KCTD2: variants seen among roughly 807,000 people sequenced by gnomAD.
The protein encoded by KCTD2 is potassium channel tetramerization domain containing 2.
A neutral mutation model predicts 27.9 loss-of-function variants in KCTD2; 18 were observed. The observed-to-expected ratio is 0.64, with a 90% confidence interval of 0.45 to 0.96. KCTD2 has a LOEUF of 0.96. Among genes scored for constraint, KCTD2 ranks in the 40% least tolerant of loss-of-function variants. KCTD2 has a pLI of 0.00. For synonymous variants in KCTD2, 175 were observed against 148.4 expected, an observed-to-expected ratio of 1.18 and a Z score of -1.30; for missense variants, 280 against 348.0, an observed-to-expected ratio of 0.80 and a Z score of 1.56.
At chr17:75,052,936 T>C (rs1267912062) in intron 2 of KCTD2, 78 bp from the exon 3 acceptor site, 3 of 1,019,122 alleles carry the variant, frequency 2.9e-6, no homozygotes, top group South Asian at 2.5e-5. Context: ...TTAGCAAGCA[T>C]GTAACCTTCA....
intron 3 of KCTD2, among the ~76,000 whole-genome samples, chr17:75,058,153 G>A (rs576068890): frequency 2.6e-5 from 4 of 151,384 alleles, no homozygotes; most frequent in Non-Finnish European, 4.4e-5. Flanking sequence ...GTGAGACTTC[G>A]TCTCTACTAA....
At position 75,049,030 on chromosome 17, in the gene KCTD2, T is replaced by A. The variant is rs111938818; in HGVS notation, c.340-190T>A. 4.4e-3 allele frequency: 2,216 copies of A among 501,150 alleles called. 42 individuals are homozygous for A. Among genetic ancestry groups the A allele is most frequent in the African/African-American group, 0.039 (2,021 of 52,462 alleles). The allele number at this position is 501,150 out of a possible 1,614,324, so 31.0% of individuals were successfully genotyped here. A position where few individuals can be genotyped will look rare whatever the true frequency, so the allele number is the denominator to read the frequency against. ...AGATGATCTTAATGTACAAGATACATAAAGCTATAGCTTTCTTACCAATAG... is the reference window on the plus strand; with the variant it reads ...AGATGATCTTAATGTACAAGATACAAAAAGCTATAGCTTTCTTACCAATAG... On this transcript the variant is annotated intron_variant, in intron 1 of 5. Coordinates refer to ENST00000322444, the MANE Select transcript of KCTD2 (RefSeq NM_015353.3).
chr17:75,053,060 G>A lies in KCTD2; in HGVS notation c.495G>A (p.Arg165=). The change falls in exon 3 of 6, where the codon CGG becomes CGA. Residue 165 remains arginine, a synonymous_variant. Coordinates refer to ENST00000322444, the MANE Select transcript of KCTD2 (RefSeq NM_015353.3). The part of the protein sequence containing the change: ...AEFYNIASLV[R]LVKERIRDNE... ...TTTACAACATCGCGTCCCTTGTGCGGCTGGTTAAGGAAAGGATACGGGACA... is the reference window on the plus strand; with the variant it reads ...TTTACAACATCGCGTCCCTTGTGCGACTGGTTAAGGAAAGGATACGGGACA... 6.2e-7 allele frequency: 1 copy of A among 1,614,118 alleles called. No homozygotes were observed.
intron 3 of KCTD2, 135 bp downstream of exon 3, chr17:75,053,240 C>T: frequency 1.5e-6 from 1 of 689,374 alleles, no homozygotes; most frequent in Non-Finnish European, 2.6e-6. Context: ...AGGGAATGCA[C>T]ACTCAGCCAA....
upstream of KCTD2, chr17:75,042,790 A>G (rs1390285213): frequency 1.0e-6 from 1 of 967,234 alleles, no homozygotes; most frequent in East Asian, 2.6e-5. Flanking sequence ...AGTCTTCACA[A>G]GAATCACTTG....
chr17:75,048,272 A>G (rs767223618), intron 1 of KCTD2, among the ~76,000 whole-genome samples: 10 of 152,168 alleles, frequency 6.6e-5, no homozygotes, highest in Non-Finnish European at 1.3e-4. Context: ...CTGCTAACCA[A>G]AGGGTTGAGA....
intron 2 of KCTD2, among the ~76,000 whole-genome samples, chr17:75,051,812 C>T (rs1367799608): frequency 6.6e-6 from 1 of 151,830 alleles, no homozygotes; most frequent in Non-Finnish European, 1.5e-5. Context: ...ATGCTTTTAT[C>T]TACAGCTTAT....
intron 4 of KCTD2, among the ~76,000 whole-genome samples, chr17:75,061,608 C>G: frequency 6.6e-6 from 1 of 152,276 alleles, no homozygotes; most frequent in East Asian, 1.9e-4. Flanking sequence ...TGTGATTGCA[C>G]CACTGCACTC....
At chr17:75,049,191 A>G (rs771427575) in intron 1 of KCTD2, 29 bp from the exon 2 acceptor site, 5 of 1,400,042 alleles carry the variant, frequency 3.6e-6, no homozygotes, top group East Asian at 2.3e-5. Flanking sequence ...TCAAAGGTCC[A>G]CAATGATACC....
chr17:75,053,139 T>C (rs1355888591), intron 3 of KCTD2, 34 bp downstream of exon 3: 1 of 1,519,862 alleles, frequency 6.6e-7, no homozygotes, highest in East Asian at 2.3e-5. Context: ...GAGGGTTGTT[T>C]CAAGTGGGCT....
rs71159419 is a variant in KCTD2, at chr17:75,053,858, C to CTTTTTTTTTTTTTTTTTTTTT, written c.540+759_540+779dup. On this transcript the variant is annotated intron_variant, in intron 3 of 5. Coordinates refer to ENST00000322444, the MANE Select transcript of KCTD2 (RefSeq NM_015353.3). ...CTTCAGCAGCTGCTTGTGAACCATG[C>CTTTTTTTTTTTTTTTTTTTTT]TTTTTTTTTTTTTTTTTTTTTTTTT... Among the ~76,000 whole-genome samples, 17 of 59,322 alleles carry CTTTTTTTTTTTTTTTTTTTTT rather than the reference C, an allele frequency of 2.9e-4. 1 individual carries two copies. The highest frequency in any genetic ancestry group is 4.5e-4 in the Non-Finnish European group (16 of 35,766). 38.9% of individuals were successfully genotyped at this position (59,322 alleles called of 152,430 possible).
At chr17:75,042,312 C>G, upstream of KCTD2, 11 of 1,604,124 alleles carry the variant, frequency 6.9e-6, no homozygotes, top group Non-Finnish European at 9.4e-6. Flanking sequence ...TAGGATTGTT[C>G]ATAAGCAGTA....
In KCTD2 at chr17:75,047,464, C is replaced by G; in HGVS notation, c.214C>G (p.Arg72Gly). The G allele has an allele frequency of 1.9e-6, 3 of 1,559,272 alleles. No individual in the cohort carries two copies. The highest frequency in any genetic ancestry group is 2.6e-6 in the Non-Finnish European group (3 of 1,154,330). The change falls in exon 1 of 6, where the codon CGC (arginine) becomes GGC (glycine). Residue 72 changes from arginine (R) to glycine (G), a missense_variant. Arg to Gly is a moderately radical substitution (Grantham distance 125). Coordinates refer to ENST00000322444, the MANE Select transcript of KCTD2 (RefSeq NM_015353.3). ...GCGGGCAGGGGGCGGCGGCGCGGCC[C>G]GCTGGGTCAGGCTGAACGTGGGAGG... ...PERAGGGGAA[R>G]WVRLNVGGTY... is the part of the protein sequence containing the mutation.
intron 3 of KCTD2, chr17:75,036,080 G>T (rs1193175651): frequency 2.2e-6 from 1 of 453,594 alleles, no homozygotes; most frequent in Non-Finnish European, 4.4e-6. Flanking sequence ...CTGAGACGGA[G>T]TCTCGCTCTG....
intron 3 of KCTD2, among the ~76,000 whole-genome samples, chr17:75,036,918 G>A (rs1598682438): frequency 1.3e-5 from 2 of 152,270 alleles, no homozygotes; most frequent in East Asian, 3.9e-4. Context: ...CCCCTCCGCT[G>A]CCTTTCATCT....
At chr17:75,050,525 A>G (rs533073652) in intron 2 of KCTD2, among the ~76,000 whole-genome samples, 1 of 151,850 alleles carries the variant, frequency 6.6e-6, no homozygotes, top group East Asian at 2.0e-4. Flanking sequence ...AGCCTCCCAG[A>G]GTGCTGGGAT....
At chr17:75,047,706 A>G (rs976660373) in intron 1 of KCTD2, 117 bp downstream of exon 1, 2 of 969,512 alleles carry the variant, frequency 2.1e-6, no homozygotes, top group African/African-American at 3.5e-5. Flanking sequence ...CCGGGACCCC[A>G]TCCTCCCCCT....
In KCTD2 at chr17:75,059,350, G is replaced by A. The variant is rs186227744; in HGVS notation, c.541-160G>A. On this transcript the variant is annotated intron_variant, in intron 3 of 5. Transcript: ENST00000322444. ...TTAAAGAGAAGGGAAAAAAAGAAAC[G>A]CCACAGTACTATTTGTAAAAGGGGA... 1.2e-3 allele frequency: 494 copies of A among 418,552 alleles called. 2 individuals carry two copies. The highest frequency in any genetic ancestry group is 4.4e-3 in the African/African-American group (219 of 49,498). 25.9% of individuals were successfully genotyped at this position (418,552 alleles called of 1,614,324 possible).
upstream of KCTD2, chr17:75,047,224 C>G: frequency 1.3e-6 from 1 of 781,846 alleles, no homozygotes; most frequent in Non-Finnish European, 1.7e-6. Context: ...TGCGCGCGGG[C>G]AGCAGCGGTG....
Sources: allele counts gnomAD v4.1 joint callset (sites outside exome capture counted in the v4.1 genomes callset), GRCh38; gene constraint gnomAD v4.1.1; transcripts MANE v1.5; gene names NCBI Gene and HGNC (gene_info 2026-07-23, HGNC 2026-07-21).